The following ZFHX3 variants were observed in gnomAD, a reference collection of about 807,000 sequenced individuals.
ZFHX3 encodes zinc finger homeobox 3.
ZFHX3 carries 42 observed loss-of-function variants against 279.1 expected under a neutral mutation model. The observed-to-expected ratio is 0.15, with a 90% CI of 0.12 to 0.19. The LOEUF (loss-of-function observed/expected upper bound fraction) is 0.19. Ranked by LOEUF, ZFHX3 falls within the 10% of genes least tolerant of loss-of-function variation. ZFHX3 has a pLI of 1.00. For missense variants in ZFHX3, 4,981 were observed against 4,754.0 expected, an observed-to-expected ratio of 1.05 and a Z score of -1.40; for synonymous variants, 2,293 against 1,957.8, an observed-to-expected ratio of 1.17 and a Z score of -4.52.
rs149197237 is a variant in ZFHX3 at position 72,788,135 on chromosome 16, G to A, written c.10141C>T (p.Arg3381Trp). The A allele has an allele frequency of 5.0e-6, 8 of 1,594,412 alleles. No individual in the cohort carries two copies. Among genetic ancestry groups the A allele is most frequent in the South Asian group, 2.2e-5 (2 of 89,388 alleles). Reference sequence around the variant, plus strand: ...TGCTGCTGCTGCTGCTGTAGTTGCCGCTGCTGCTGCTGCTGAATTGCCTCC... The same window carrying A: ...TGCTGCTGCTGCTGCTGTAGTTGCCACTGCTGCTGCTGCTGAATTGCCTCC... ...LQEAIQQQQQRQLQQQQQQKV... is the reference protein window; with the variant it reads ...LQEAIQQQQQWQLQQQQQQKV... Residue 3381 changes from arginine (R) to tryptophan (W), a missense_variant, in exon 10 of 10, where the codon CGG becomes TGG. This residue lies in a region of ZFHX3 where 1,034 missense variants were observed against 786.0 expected (regional missense o/e 1.32). Transcript: ENST00000268489.
chr16:73,149,867 A>C (rs1049815992), intron 5 of ZFHX3, among the ~76,000 whole-genome samples: 1 of 152,206 alleles, frequency 6.6e-6, no homozygotes, highest in Non-Finnish European at 1.5e-5. Context: ...AGCAGAGTGC[A>C]GGCAGGTGTG....
At chr16:72,998,100 AAAC>A (rs1230260227) in intron 1 of ZFHX3, among the ~76,000 whole-genome samples, 1 of 151,506 alleles carries the variant, frequency 6.6e-6, no homozygotes, top group Non-Finnish European at 1.5e-5. Context: ...GAAAACATAA[AAAC>A]AAAAAAATAA....
intron 8 of ZFHX3, 29 bp downstream of exon 8, chr16:72,799,998 T>G: frequency 1.2e-6 from 2 of 1,603,388 alleles, no homozygotes; most frequent in African/African-American, 2.7e-5. Context: ...TTGTTTCAAT[T>G]TCTTGGGGTC....
chr16:73,293,993 A>G (rs1295016217), intron 4 of ZFHX3: 1 of 150,530 alleles, frequency 6.6e-6, no homozygotes, highest in Non-Finnish European at 1.5e-5. Flanking sequence ...TGCCAAAAAA[A>G]AAAAAAAAAA....
At chr16:72,919,188 A>G (rs1486043106) in intron 3 of ZFHX3, among the ~76,000 whole-genome samples, 1 of 147,784 alleles carries the variant, frequency 6.8e-6, no homozygotes, top group Non-Finnish European at 1.5e-5. Context: ...ACAGGGTCTC[A>G]CTCTGTTGCC....
At chr16:73,784,411 A>G (rs1169708387) in intron 1 of ZFHX3, among the ~76,000 whole-genome samples, 1 of 152,128 alleles carries the variant, frequency 6.6e-6, no homozygotes, top group Non-Finnish European at 1.5e-5. Context: ...CATGACCAAA[A>G]AAGAAAAAAG....
intron 2 of ZFHX3, among the ~76,000 whole-genome samples, chr16:73,550,389 A>C (rs1030553821): frequency 6.6e-6 from 1 of 152,154 alleles, no homozygotes. Flanking sequence ...TGGACCCTGC[A>C]CTTGAGTCTG....
chr16:73,115,320 C>T (rs544747074), intron 7 of ZFHX3, among the ~76,000 whole-genome samples: 12 of 141,238 alleles, frequency 8.5e-5, no homozygotes, highest in Admixed American at 5.5e-4. Context: ...GCAGGAGGCT[C>T]GCTTGAGTCT....
At chr16:72,814,920 T>A (rs188720156) in intron 5 of ZFHX3, among the ~76,000 whole-genome samples, 97 of 152,184 alleles carry the variant, frequency 6.4e-4, no homozygotes, top group Admixed American at 1.6e-3. Flanking sequence ...AGCAATGCCA[T>A]CCTTATAACA....
chr16:73,062,860 A>G (rs1965703537), upstream of ZFHX3, among the ~76,000 whole-genome samples: 1 of 152,130 alleles, frequency 6.6e-6, no homozygotes, highest in Non-Finnish European at 1.5e-5. Flanking sequence ...TCGAATGTGT[A>G]TTGTTATTCT....
At chr16:73,259,666 T>C (rs2013763222) in intron 4 of ZFHX3, among the ~76,000 whole-genome samples, 1 of 152,198 alleles carries the variant, frequency 6.6e-6, no homozygotes, top group Non-Finnish European at 1.5e-5. Flanking sequence ...GTATTTTCTT[T>C]GAACGTAAAA....
intron 3 of ZFHX3, chr16:73,455,973 C>T (rs963214565): frequency 6.6e-6 from 1 of 152,118 alleles, no homozygotes; most frequent in African/African-American, 2.4e-5. Context: ...CTTCAGATTT[C>T]TTAGAACCCG....
At chr16:73,617,411 G>A (rs1406368684) in intron 2 of ZFHX3, among the ~76,000 whole-genome samples, 7 of 152,184 alleles carry the variant, frequency 4.6e-5, no homozygotes, top group Admixed American at 2.6e-4. Flanking sequence ...CAGGTACATA[G>A]GTACCTACGA....
chr16:73,032,126 GTC>G (rs1421165731), intron 1 of ZFHX3, among the ~76,000 whole-genome samples: 1 of 152,094 alleles, frequency 6.6e-6, no homozygotes, highest in Non-Finnish European at 1.5e-5. Context: ...GGGAGATCCT[GTC>G]TCTACAAAAA....
intron 2 of ZFHX3, chr16:73,483,519 CG>C (rs958332266): frequency 1.9e-5 from 7 of 374,702 alleles, no homozygotes; most frequent in African/African-American, 1.3e-4. Flanking sequence ...AAATAGGCCA[CG>C]TAGCTCCGCG....
chr16:73,210,825 G>C (rs1177793502), intron 5 of ZFHX3, among the ~76,000 whole-genome samples: 1 of 152,074 alleles, frequency 6.6e-6, no homozygotes, highest in Non-Finnish European at 1.5e-5. Context: ...AAGCATCTTA[G>C]CTTCTTTTTT....
intron 1 of ZFHX3, among the ~76,000 whole-genome samples, chr16:72,962,967 C>T (rs928749906): frequency 2.0e-5 from 3 of 152,104 alleles, no homozygotes; most frequent in African/African-American, 7.2e-5. Flanking sequence ...ACCACTCCCC[C>T]GCAACAGCCG....
chr16:73,793,221 A>G (rs1284333354), intron 1 of ZFHX3, among the ~76,000 whole-genome samples: 4 of 152,226 alleles, frequency 2.6e-5, no homozygotes, highest in African/African-American at 2.4e-5. Flanking sequence ...GGGGAATAAG[A>G]TGTGGCTTTG....
rs573954581 is a variant in ZFHX3 at position 73,306,971 on chromosome 16, G to T, written c.-1194+11269C>A. On this transcript the variant is annotated intron_variant, in intron 4 of 17. Transcript: ENST00000641206. ...CTGATCAAGTTACCAATGGTGGGCT[G>T]GTAAGTGGGACCAGTTCATTTCCTA... 1.2e-4 allele frequency among the ~76,000 whole-genome samples: 18 copies of T among 152,294 alleles called. 1 individual carries two copies. The highest frequency in any genetic ancestry group is 6.2e-4 in the South Asian group (3 of 4,830).
Sources: allele counts gnomAD v4.1 joint callset (sites outside exome capture counted in the v4.1 genomes callset), GRCh38; gene constraint gnomAD v4.1.1; regional missense constraint gnomAD v4.1.1; transcripts MANE v1.5; gene names NCBI Gene and HGNC (gene_info 2026-07-23, HGNC 2026-07-21).